The following NELL1 variants were observed in gnomAD, a reference collection of about 807,000 sequenced individuals.
NELL1 encodes the protein neural EGFL like 1.
A neutral mutation model predicts 107.4 loss-of-function variants in NELL1; 76 were observed. The ratio of observed to expected loss-of-function variants is 0.71; its 90% confidence interval spans 0.59 to 0.86. The LOEUF (loss-of-function observed/expected upper bound fraction) is 0.86. Among genes scored for constraint, NELL1 ranks in the 40% least tolerant of loss-of-function variants. The pLI is 0.00. For missense variants in NELL1, 1,024 were observed against 1,005.5 expected (o/e 1.02, Z -0.25); for synonymous variants, 353 against 341.2 (o/e 1.03, Z -0.38).
At chr11:20,711,661 A>T (rs756609217) in intron 2 of NELL1, among the ~76,000 whole-genome samples, 17 of 152,110 alleles carry the variant, frequency 1.1e-4, no homozygotes, top group Non-Finnish European at 2.4e-4. Flanking sequence ...TTTGCTGGAA[A>T]ATTCTTGGCT....
intron 14 of NELL1, among the ~76,000 whole-genome samples, chr11:21,306,610 T>C (rs1326300596): frequency 2.0e-5 from 3 of 152,054 alleles, no homozygotes; most frequent in Non-Finnish European, 4.4e-5. Context: ...CTCAGTTCTC[T>C]CTTTTCAGTG....
chr11:21,143,700 T>A (rs1171018819), intron 13 of NELL1, among the ~76,000 whole-genome samples: 1 of 152,174 alleles, frequency 6.6e-6, no homozygotes, highest in Non-Finnish European at 1.5e-5. Context: ...ACATGGGGCA[T>A]TGGGTTTCTA....
chr11:21,542,987 G>T (rs531003027), intron 16 of NELL1, among the ~76,000 whole-genome samples: 11 of 152,102 alleles, frequency 7.2e-5, no homozygotes, highest in Admixed American at 5.9e-4. Context: ...AAGAAGTAAA[G>T]TCTCAAGTGT....
rs144707122 is a variant in NELL1, at chr11:20,697,490, T to C, written c.184+19430T>C. On this transcript the variant is annotated intron_variant, in intron 2 of 19. Coordinates refer to ENST00000357134, the MANE Select transcript of NELL1 (RefSeq NM_006157.5). ...GGAAGAATAGATAGTATCTTTCAAG[T>C]AGCTTGTTTTATGTAACAAGATAGA... Among the ~76,000 whole-genome samples the C allele has an allele frequency of 7.2e-5, 11 of 151,950 alleles. No homozygotes were observed. The East Asian group carries it at 2.1e-3, about 29-fold the overall frequency.
intron 14 of NELL1, among the ~76,000 whole-genome samples, chr11:21,266,214 A>G (rs1848631934): frequency 6.6e-6 from 1 of 151,900 alleles, no homozygotes; most frequent in African/African-American, 2.4e-5. Context: ...CTCGGCTTAG[A>G]ATGTAACCTC....
intron 12 of NELL1, among the ~76,000 whole-genome samples, chr11:20,967,793 C>G (rs1047442688): frequency 2.6e-5 from 4 of 152,156 alleles, no homozygotes; most frequent in Non-Finnish European, 5.9e-5. Flanking sequence ...GATTATGCTA[C>G]TCTCCTGTTG....
intron 2 of NELL1, among the ~76,000 whole-genome samples, chr11:20,711,995 T>A (rs1855124365): frequency 6.6e-6 from 1 of 152,164 alleles, no homozygotes; most frequent in South Asian, 2.1e-4. Flanking sequence ...GCTGTCTAGA[T>A]CTTTAGTAAG....
chr11:21,480,113 G>A (rs75064607), intron 15 of NELL1, among the ~76,000 whole-genome samples: 6,376 of 152,006 alleles, frequency 0.042, 178 homozygotes, highest in Non-Finnish European at 0.065. Flanking sequence ...TATTATTTTC[G>A]TGTCTCTCAA....
Position 20,706,493 on chromosome 11 carries a change from G to T in NELL1, c.184+28433G>T, listed in dbSNP as rs1854959679. Among the ~76,000 whole-genome samples the T allele has an allele frequency of 2.3e-5, 3 of 133,252 alleles. No homozygotes were observed. The South Asian group carries it at 7.9e-4, about 35-fold the overall frequency. The allele number at this position is 133,252 out of a possible 152,430, so 87.4% of individuals were successfully genotyped here. A position where few individuals can be genotyped will look rare whatever the true frequency, so the allele number is the denominator to read the frequency against. Reference sequence around the variant, plus strand: ...TGAGAACACATGGACACAGGAAGGGGAACATCACACACTGGGGACTGTTGT... The same window carrying T: ...TGAGAACACATGGACACAGGAAGGGTAACATCACACACTGGGGACTGTTGT... On this transcript the variant is annotated intron_variant, in intron 2 of 19. Coordinates refer to ENST00000357134, the MANE Select transcript of NELL1 (RefSeq NM_006157.5).
intron 14 of NELL1, among the ~76,000 whole-genome samples, chr11:21,340,245 C>T (rs1850529594): frequency 6.6e-6 from 1 of 152,142 alleles, no homozygotes; most frequent in Non-Finnish European, 1.5e-5. Flanking sequence ...CTCTGCCCCC[C>T]AGGTTCATGC....
intron 9 of NELL1, among the ~76,000 whole-genome samples, chr11:20,929,443 T>C (rs1185562237): frequency 6.6e-6 from 1 of 152,032 alleles, no homozygotes; most frequent in Non-Finnish European, 1.5e-5. Flanking sequence ...TTCCTTTTTT[T>C]TTTTTTTATG....
intron 3 of NELL1, among the ~76,000 whole-genome samples, chr11:20,814,513 A>G (rs1401747206): frequency 6.6e-6 from 1 of 152,146 alleles, no homozygotes; most frequent in Non-Finnish European, 1.5e-5. Flanking sequence ...TATGTACCCA[A>G]TGTTCGGCTC....
At chr11:21,506,059 T>TA (rs1215867459) in intron 15 of NELL1, among the ~76,000 whole-genome samples, 1 of 152,188 alleles carries the variant, frequency 6.6e-6, no homozygotes, top group Non-Finnish European at 1.5e-5. Flanking sequence ...AAAACTGATT[T>TA]AAAAAATCAT....
At chr11:21,297,047 T>A (rs1465353333) in intron 14 of NELL1, among the ~76,000 whole-genome samples, 1 of 151,592 alleles carries the variant, frequency 6.6e-6, no homozygotes, top group Non-Finnish European at 1.5e-5. Flanking sequence ...ATAATTATTT[T>A]AATTATATTT....
chr11:21,495,299 T>C (rs116809397), intron 15 of NELL1, among the ~76,000 whole-genome samples: 2 of 152,100 alleles, frequency 1.3e-5, no homozygotes, highest in Non-Finnish European at 2.9e-5. Flanking sequence ...GAGCGTAGTG[T>C]TTTTCAGGTT....
chr11:21,288,968 G>C (rs10833493), intron 14 of NELL1, among the ~76,000 whole-genome samples: 37,967 of 152,098 alleles, frequency 0.25, 5,715 homozygotes, highest in Middle Eastern at 0.41. Context: ...TCTAAGAAGT[G>C]AAGACCAAGG....
chr11:20,985,156 T>C (rs1049088108), intron 12 of NELL1, among the ~76,000 whole-genome samples: 11 of 152,208 alleles, frequency 7.2e-5, no homozygotes, highest in Admixed American at 6.5e-4. Context: ...GTGGTTACTA[T>C]TCTTTGAATA....
At chr11:20,705,290 C>T (rs1854915638) in intron 2 of NELL1, among the ~76,000 whole-genome samples, 1 of 152,138 alleles carries the variant, frequency 6.6e-6, no homozygotes, top group Admixed American at 6.6e-5. Context: ...GTAACCAAAA[C>T]AGCATGGTAC....
chr11:21,354,864 A>C (rs1590863684), intron 14 of NELL1, among the ~76,000 whole-genome samples: 1 of 144,010 alleles, frequency 6.9e-6, no homozygotes, highest in African/African-American at 3.0e-5. Flanking sequence ...AAAAGTCTCT[A>C]GACTGTGACC....
Sources: gnomAD v4.1 joint callset for allele counts (sites outside exome capture counted in the v4.1 genomes callset) on GRCh38, gnomAD v4.1.1 for gene constraint, MANE v1.5 for transcripts, NCBI Gene and HGNC (gene_info 2026-07-23, HGNC 2026-07-21) for gene names.